Variants in PCDH11X observed in about 807,000 individuals in gnomAD.
PCDH11X encodes protocadherin-11 X-linked.
Under a neutral mutation model 53.3 loss-of-function variants are expected in PCDH11X, and 18 were observed. That is an observed-to-expected ratio of 0.34 (90% CI 0.23 to 0.50). The LOEUF (loss-of-function observed/expected upper bound fraction) is 0.50, where lower values mean the gene tolerates loss of function less well. Ranked by LOEUF, PCDH11X falls within the 20% of genes least tolerant of loss-of-function variation. The probability of loss-of-function intolerance (pLI) is 0.98; values close to 1 mark genes in which losing one functional copy is unlikely to be tolerated. For missense variants in PCDH11X, 570 were observed against 1,032.4 expected (o/e 0.55, Z 6.14); for synonymous variants, 279 against 393.3 (o/e 0.71, Z 3.44).
chrX:91,939,297 T>G lies in PCDH11X; in HGVS notation c.3033+60024T>G, dbSNP rs371287276. On this transcript the variant is annotated intron_variant, in intron 6 of 10. Transcript: ENST00000682573. ...ACATAGCAATACAAACTATTCAAAA[T>G]GAAATACAGAATAATGACTTTTTAA... Among the ~76,000 whole-genome samples, 74 of 110,968 alleles carry G rather than the reference T, an allele frequency of 6.7e-4. No individual in the cohort carries two copies. The East Asian group carries it at 0.011, about 17-fold the overall frequency.
intron 5 of PCDH11X, among the ~76,000 whole-genome samples, chrX:91,840,592 C>T (rs757016391): frequency 1.2e-3 from 130 of 111,449 alleles, no homozygotes; most frequent in East Asian, 1.4e-3. Flanking sequence ...ATTTGTTTTG[C>T]GATCTGGGGT....
At chrX:92,434,396 G>C (rs1274101309) in intron 9 of PCDH11X, among the ~76,000 whole-genome samples, 1 of 109,492 alleles carries the variant, frequency 9.1e-6, no homozygotes, top group Non-Finnish European at 1.9e-5. Flanking sequence ...CAAAATGTAA[G>C]TATCAGTCTC....
intron 10 of PCDH11X, among the ~76,000 whole-genome samples, chrX:92,513,634 A>AT (rs1439680812): frequency 4.7e-5 from 5 of 107,201 alleles, no homozygotes; most frequent in African/African-American, 1.7e-4. Context: ...TTATGTCAAC[A>AT]TTTTTTTCAT....
chrX:92,310,511 C>T (rs1195487773), intron 8 of PCDH11X, among the ~76,000 whole-genome samples: 1 of 110,974 alleles, frequency 9.0e-6, no homozygotes, highest in African/African-American at 3.3e-5. Flanking sequence ...GCCTTATCCT[C>T]CTAAGTAGCT....
intron 7 of PCDH11X, among the ~76,000 whole-genome samples, chrX:92,201,829 T>C (rs1388495461): frequency 8.9e-6 from 1 of 112,039 alleles, no homozygotes; most frequent in Non-Finnish European, 1.9e-5. Context: ...TTGCTTTTTA[T>C]GTTAATTAGG....
chrX:92,289,344 G>C (rs2068446359), intron 8 of PCDH11X, among the ~76,000 whole-genome samples: 1 of 110,283 alleles, frequency 9.1e-6, no homozygotes, highest in African/African-American at 3.3e-5. Context: ...ATTTATTCAA[G>C]TTGTTTTTTC....
intron 5 of PCDH11X, among the ~76,000 whole-genome samples, chrX:91,845,031 A>G (rs1431461585): frequency 5.4e-5 from 6 of 111,853 alleles, no homozygotes; most frequent in Admixed American, 3.8e-4. Context: ...TTAAGACTTT[A>G]TGGATTACTT....
At chrX:92,168,878 T>C (rs2065777692) in intron 6 of PCDH11X, among the ~76,000 whole-genome samples, 1 of 111,822 alleles carries the variant, frequency 8.9e-6, no homozygotes, top group African/African-American at 3.2e-5. Flanking sequence ...AGGTCTGCTT[T>C]GGAGCTAGCT....
intron 10 of PCDH11X, among the ~76,000 whole-genome samples, chrX:92,504,591 A>T: frequency 9.0e-6 from 1 of 111,434 alleles, no homozygotes; most frequent in East Asian, 2.8e-4. Context: ...TATTGTAAAT[A>T]GTGCTGTGAT....
At chrX:92,403,339 G>GTTTTT (rs1191277649) in intron 9 of PCDH11X, among the ~76,000 whole-genome samples, 63 of 49,338 alleles carry the variant, frequency 1.3e-3, no homozygotes, top group African/African-American at 2.6e-3. Flanking sequence ...GTTTTTTTTT[G>GTTTTT]TTTTTTTTTT....
At chrX:92,479,316 A>C (rs1201783866) in intron 10 of PCDH11X, among the ~76,000 whole-genome samples, 1 of 109,455 alleles carries the variant, frequency 9.1e-6, no homozygotes, top group East Asian at 2.9e-4. Context: ...TATGCAACTT[A>C]ACAGTCTGTG....
intron 6 of PCDH11X, among the ~76,000 whole-genome samples, chrX:91,886,266 G>C (rs368153660): frequency 9.0e-6 from 1 of 110,549 alleles, no homozygotes; most frequent in Non-Finnish European, 1.9e-5. Context: ...GGTCTCTCTG[G>C]TTCTTATTCT....
chrX:91,962,756 A>G (rs1380349033), intron 6 of PCDH11X, among the ~76,000 whole-genome samples: 1 of 110,834 alleles, frequency 9.0e-6, no homozygotes, highest in African/African-American at 3.3e-5. Flanking sequence ...CTGGATATCC[A>G]GGCATTTACA....
At chrX:92,293,165 A>AT (rs1218050464) in intron 8 of PCDH11X, among the ~76,000 whole-genome samples, 2 of 110,669 alleles carry the variant, frequency 1.8e-5, no homozygotes, top group Non-Finnish European at 3.8e-5. Context: ...CTAAAATGTC[A>AT]TTTTTGATGT....
At position 92,081,802 on chromosome X, in the gene PCDH11X, A is replaced by C. The variant is rs557542237; in HGVS notation, c.3034-119573A>C. On this transcript the variant is annotated intron_variant, in intron 6 of 10. Coordinates refer to ENST00000682573, the MANE Select transcript of PCDH11X (RefSeq NM_032968.5). ...AATTGGTTTCATAGCAGAAGTGAGA[A>C]CTTGATTTGATCTCAAGCCATGATG... Among the ~76,000 whole-genome samples the C allele has an allele frequency of 5.4e-5, 6 of 111,322 alleles. No individual in the cohort carries two copies. In the South Asian group the frequency reaches 2.3e-3, roughly 42 times the overall value.
intron 7 of PCDH11X, among the ~76,000 whole-genome samples, chrX:92,204,583 AAGTT>A (rs2066444272): frequency 8.9e-6 from 1 of 112,110 alleles, no homozygotes; most frequent in Non-Finnish European, 1.9e-5. Context: ...AGTCTCTAGT[AAGTT>A]CCAAACTTTC....
intron 9 of PCDH11X, among the ~76,000 whole-genome samples, chrX:92,446,859 T>C (rs1327046411): frequency 9.0e-6 from 1 of 111,399 alleles, no homozygotes; most frequent in African/African-American, 3.3e-5. Flanking sequence ...CCTAGAGACT[T>C]GTTGAATGGC....
chrX:92,278,873 G>T (rs1015139782), intron 8 of PCDH11X, among the ~76,000 whole-genome samples: 1 of 99,987 alleles, frequency 1.0e-5, no homozygotes, highest in East Asian at 3.3e-4. Context: ...GTGCAATGGT[G>T]CGATCTCAGG....
chrX:92,384,129 G>A (rs1173073565), intron 8 of PCDH11X, among the ~76,000 whole-genome samples: 1 of 111,571 alleles, frequency 9.0e-6, no homozygotes, highest in African/African-American at 3.3e-5. Context: ...CTTCTTTTGA[G>A]AAATGTCTCT....
Sources: gnomAD v4.1 joint callset for allele counts (sites outside exome capture counted in the v4.1 genomes callset) on GRCh38, gnomAD v4.1.1 for gene constraint, MANE v1.5 for transcripts, NCBI Gene and HGNC (gene_info 2026-07-23, HGNC 2026-07-21) for gene names.